MAST1: variants seen among roughly 807,000 people sequenced by gnomAD.
MAST1 encodes the protein microtubule associated serine/threonine kinase 1, also known as microtubule-associated serine/threonine-protein kinase 1.
In MAST1, 40 loss-of-function variants were observed where a neutral mutation model predicts 124.6. The observed-to-expected ratio is 0.32, with a 90% CI of 0.25 to 0.42. The LOEUF (loss-of-function observed/expected upper bound fraction) is 0.42. Ranked by LOEUF, MAST1 falls within the 10% of genes least tolerant of loss-of-function variation. The pLI is 1.00. For missense variants in MAST1, 1,558 were observed against 2,181.9 expected, an observed-to-expected ratio of 0.71 and a Z score of 5.70; for synonymous variants, 938 against 939.4, an observed-to-expected ratio of 1.00 and a Z score of 0.03.
At position 12,858,400 on chromosome 19, in the gene MAST1, T is replaced by A. The variant is rs1226151744; in HGVS notation, c.1116T>A (p.Asn372Lys). 1 of 1,613,766 alleles carries A rather than the reference T, an allele frequency of 6.2e-7. No homozygotes were observed. Among genetic ancestry groups the A allele is most frequent in the Non-Finnish European group, 8.5e-7 (1 of 1,179,962 alleles). ...SSKAKKPPGE[N>K]DFDTIKLISN... Reference sequence around the variant, plus strand: ...AGGCCAAGAAACCGCCGGGGGAGAATGACTTCGATACCATCAAGCTCATAA... The same window carrying A: ...AGGCCAAGAAACCGCCGGGGGAGAAAGACTTCGATACCATCAAGCTCATAA... Residue 372 changes from asparagine (N) to lysine (K), a missense_variant, in exon 11 of 26, where the codon AAT becomes AAA. By Grantham distance (94) the Asn-to-Lys change is moderately conservative (BLOSUM62 0). Around this residue, in one of 10 missense-constraint regions of MAST1, gnomAD observed 136 missense variants for 160.9 expected, o/e 0.85. Coordinates refer to ENST00000251472, the MANE Select transcript of MAST1 (RefSeq NM_014975.3).
At chr19:12,846,515 A>T (rs1969895774) in intron 4 of MAST1, among the ~76,000 whole-genome samples, 1 of 152,000 alleles carries the variant, frequency 6.6e-6, no homozygotes, top group East Asian at 1.9e-4. Context: ...GATGTGTTCC[A>T]AGCAGAAAGA....
At chr19:12,870,299 C>G (rs755108444) in intron 22 of MAST1, among the ~76,000 whole-genome samples, 1 of 151,138 alleles carries the variant, frequency 6.6e-6, no homozygotes, top group Non-Finnish European at 1.5e-5. Context: ...ATCAGCCTGA[C>G]CAACATGGTG....
chr19:12,867,319 TGAAGA>T (rs1704724417), intron 18 of MAST1, among the ~76,000 whole-genome samples, 150 bp from the exon 19 acceptor site: 1 of 152,024 alleles, frequency 6.6e-6, no homozygotes, highest in African/African-American at 2.4e-5. Flanking sequence ...GGGCCTGAAC[TGAAGA>T]ATTGTAGGTT....
rs571030674 is a variant in MAST1 at position 12,857,692 on chromosome 19, G to A, written c.1078-670G>A. 2.6e-3 allele frequency among the ~76,000 whole-genome samples: 403 copies of A among 152,222 alleles called. 2 individuals carry two copies. The highest frequency in any genetic ancestry group is 5.0e-3 in the Non-Finnish European group (337 of 68,014). ...CTTCCAAAGTGCTGTGATTACAGGC[G>A]TGAGCCACCGCTCCAGGCCCGAATC... On this transcript the variant is annotated intron_variant, in intron 10 of 25. Transcript: ENST00000251472.
In MAST1 at chr19:12,847,418, C is replaced by T. The variant is rs1156276636; in HGVS notation, c.456C>T (p.Ser152=). ...CAGACGAGGATGGTGGCCGTCGCTC[C>T]CCAGCCGTGCGGCCCCGCTCACGGA... ...SITDEDGGRR[S]PAVRPRSRSL... Residue 152 remains serine (S), a synonymous_variant, in exon 5 of 26, where the codon TCC becomes TCT. Transcript: ENST00000251472. The surrounding 1 kb of genome is among the most constrained non-coding windows in gnomAD (Gnocchi z 5.5). 1 of 1,613,870 alleles carries T rather than the reference C, an allele frequency of 6.2e-7. No individual in the cohort carries two copies.
chr19:12,850,250 G>T (rs1183758692), intron 7 of MAST1, among the ~76,000 whole-genome samples: 3 of 152,156 alleles, frequency 2.0e-5, no homozygotes, highest in African/African-American at 7.2e-5. Flanking sequence ...GGCGTTAGAA[G>T]CTAACCCCTG....
Position 12,873,898 on chromosome 19 carries a change from C to T in MAST1, c.3741C>T (p.Arg1247=). The T allele has an allele frequency of 6.3e-7, 1 of 1,580,990 alleles. No homozygotes were observed. The highest frequency in any genetic ancestry group is 8.5e-7 in the Non-Finnish European group (1 of 1,171,756). ...AKLHSSPPVV[R]PRPKSAEPPR... ...TGCACTCATCGCCTCCCGTCGTGCG[C>T]CCGCGCCCCAAGAGTGCCGAGCCCC... The change falls in exon 26 of 26, where the codon CGC becomes CGT. Residue 1247 remains arginine (R), a synonymous_variant. Transcript: ENST00000251472.
chr19:12,852,298 A>G (rs369954639), intron 9 of MAST1, 30 bp from the exon 10 acceptor site: 1 of 1,614,128 alleles, frequency 6.2e-7, no homozygotes, highest in South Asian at 1.1e-5. Flanking sequence ...CCCAGAACCC[A>G]GCTCGTGCTC....
At chr19:12,855,781 ATTGT>A (rs1405370538) in intron 10 of MAST1, among the ~76,000 whole-genome samples, 1 of 152,180 alleles carries the variant, frequency 6.6e-6, no homozygotes, top group Non-Finnish European at 1.5e-5. Context: ...TTTATCTCTC[ATTGT>A]TTGTAGGATT....
rs1969821328 is a variant in MAST1 at position 12,841,126 on chromosome 19, G to A, written c.248+60G>A. ...GGCAGACCCTCCCCAACCACTGTCT[G>A]GGCCGCCATCTGTTCTCCTCCTAAT... On this transcript the variant is annotated intron_variant, in intron 3 of 25. Transcript: ENST00000251472. This position sits in a 1 kb window ranked among gnomAD's most constrained non-coding sequence, Gnocchi z 4.3. 1.2e-6 allele frequency: 1 copy of A among 828,652 alleles called. No individual in the cohort carries two copies. Among genetic ancestry groups the A allele is most frequent in the Non-Finnish European group, 2.1e-6 (1 of 478,046 alleles). 51.3% of individuals were successfully genotyped at this position (828,652 alleles called of 1,614,324 possible).
chr19:12,845,507 C>A (rs1296502625), intron 4 of MAST1, among the ~76,000 whole-genome samples: 1 of 150,930 alleles, frequency 6.6e-6, no homozygotes, highest in Non-Finnish European at 1.5e-5. Flanking sequence ...TTGCTCGAGC[C>A]CAGGAGGTGG....
chr19:12,871,468 A>G (rs1446834526), intron 24 of MAST1, among the ~76,000 whole-genome samples: 1 of 152,042 alleles, frequency 6.6e-6, no homozygotes, highest in Non-Finnish European at 1.5e-5. Context: ...TTAGCCTGGC[A>G]TGGTGGCGCT....
chr19:12,844,888 G>A (rs561186801), intron 4 of MAST1, among the ~76,000 whole-genome samples: 1 of 152,226 alleles, frequency 6.6e-6, no homozygotes, highest in Non-Finnish European at 1.5e-5. Context: ...TAAAATTTCA[G>A]TTTGAACCAT....
intron 12 of MAST1, among the ~76,000 whole-genome samples, chr19:12,860,377 A>C (rs1304111867): frequency 6.6e-6 from 1 of 151,460 alleles, no homozygotes; most frequent in Non-Finnish European, 1.5e-5. Context: ...CGGCCTCCCA[A>C]AGTGCTGTGA....
At position 12,841,031 on chromosome 19, in the gene MAST1, C is replaced by T. The variant is rs1568406227; in HGVS notation, c.213C>T (p.Asn71=). 3.3e-6 allele frequency: 5 copies of T among 1,524,456 alleles called. No homozygotes were observed. Among genetic ancestry groups the T allele is most frequent in the Non-Finnish European group, 4.6e-6 (5 of 1,097,972 alleles). 94.4% of individuals were successfully genotyped at this position (1,524,456 alleles called of 1,614,324 possible). The change falls in exon 3 of 26, where the codon AAC becomes AAT. Residue 71 remains asparagine, a synonymous_variant. Transcript: ENST00000251472. The surrounding 1 kb of genome is among the most constrained non-coding windows in gnomAD (Gnocchi z 4.3). ...PLDSPRNFSP[N]TPAHFSFASS... is the part of the protein sequence containing the mutation. ...ACAGCCCCCGAAACTTCTCCCCCAACACCCCCGCCCACTTCTCGTTTGCCT... is the reference window on the plus strand; with the variant it reads ...ACAGCCCCCGAAACTTCTCCCCCAATACCCCCGCCCACTTCTCGTTTGCCT...
At chr19:12,862,649 T>C (rs979818409) in intron 12 of MAST1, among the ~76,000 whole-genome samples, 1 of 151,496 alleles carries the variant, frequency 6.6e-6, no homozygotes, top group East Asian at 1.9e-4. Flanking sequence ...TTGTTGTTTT[T>C]TTCTTTTCCT....
At position 12,864,875 on chromosome 19, in the gene MAST1, T is replaced by A; in HGVS notation, c.1433T>A (p.Phe478Tyr). The A allele has an allele frequency of 6.2e-7, 1 of 1,614,140 alleles. No individual in the cohort carries two copies. ...ALPVEMARMY[F>Y]AETVLALEYL... ...CCCGTAGAGATGGCCCGCATGTACT[T>A]TGCTGAGACGGTGCTAGCCCTGGAG... Residue 478 changes from phenylalanine to tyrosine, a missense_variant, in exon 13 of 26, where the codon TTT becomes TAT. Physicochemically the swap from Phe to Tyr is conservative, Grantham distance 22 (BLOSUM62 3). Coordinates refer to ENST00000251472, the MANE Select transcript of MAST1 (RefSeq NM_014975.3).
At position 12,841,019 on chromosome 19, in the gene MAST1, C is replaced by A. The variant is rs1417201331; in HGVS notation, c.201C>A (p.Asn67Lys). 7 of 1,472,324 alleles carry A rather than the reference C, an allele frequency of 4.8e-6. No individual in the cohort carries two copies. Among genetic ancestry groups the A allele is most frequent in the Non-Finnish European group, 5.7e-6 (6 of 1,050,238 alleles). The allele number at this position is 1,472,324 out of a possible 1,614,324, so 91.2% of individuals were successfully genotyped here. A position where few individuals can be genotyped will look rare whatever the true frequency, so the allele number is the denominator to read the frequency against. The stretch of plus-strand genomic sequence containing the variant: ...GCAGTCCCCTGGACAGCCCCCGAAA[C>A]TTCTCCCCCAACACCCCCGCCCACT... ...LGSSPLDSPR[N>K]FSPNTPAHFS... is the part of the protein sequence containing the mutation. The change falls in exon 3 of 26, where the codon AAC (asparagine) becomes AAA (lysine). Residue 67 changes from asparagine (N) to lysine (K), a missense_variant. By Grantham distance (94) the Asn-to-Lys change is moderately conservative. Transcript: ENST00000251472. This position sits in a 1 kb window ranked among gnomAD's most constrained non-coding sequence, Gnocchi z 4.3.
chr19:12,842,497 T>A (rs1021411103), intron 3 of MAST1, among the ~76,000 whole-genome samples: 8 of 152,104 alleles, frequency 5.3e-5, no homozygotes, highest in Admixed American at 2.6e-4. Flanking sequence ...TTCACCAGGT[T>A]GGTCATGCTG....
Sources: allele counts gnomAD v4.1 joint callset (sites outside exome capture counted in the v4.1 genomes callset), GRCh38; gene constraint gnomAD v4.1.1; regional missense constraint gnomAD v4.1.1; non-coding constraint Gnocchi (gnomAD v3.1); transcripts MANE v1.5; gene names NCBI Gene and HGNC (gene_info 2026-07-23, HGNC 2026-07-21).